The following UBXN2B variants were observed in gnomAD, a reference collection of about 807,000 sequenced individuals.
UBXN2B encodes the protein UBX domain protein 2B, also known as UBX domain-containing protein 2B.
Under a neutral mutation model 37.5 loss-of-function variants are expected in UBXN2B, and 19 were observed. The ratio of observed to expected loss-of-function variants is 0.51; its 90% confidence interval spans 0.35 to 0.74. The LOEUF (loss-of-function observed/expected upper bound fraction) is 0.74. UBXN2B is among the 30% of genes least tolerant of loss of function. The pLI, the probability that UBXN2B is intolerant of heterozygous loss-of-function variation, is 0.01. For synonymous variants in UBXN2B, 145 were observed against 143.8 expected (o/e 1.01, Z -0.06); for missense variants, 370 against 393.2 (o/e 0.94, Z 0.50).
In UBXN2B at chr8:58,447,607, A is replaced by G; in HGVS notation, c.*56A>G. On this transcript the variant is annotated 3_prime_UTR_variant, in exon 8 of 8. Coordinates refer to ENST00000399598, the MANE Select transcript of UBXN2B (RefSeq NM_001077619.2). Reference sequence around the variant, plus strand: ...GAATAGATGATGTGCCGTATTAATAAGGACAATACTTCAGCATTAAAAACA... The same window carrying G: ...GAATAGATGATGTGCCGTATTAATAGGGACAATACTTCAGCATTAAAAACA... 2 of 1,427,482 alleles carry G rather than the reference A, an allele frequency of 1.4e-6. No homozygotes were observed. Among genetic ancestry groups the G allele is most frequent in the South Asian group, 3.3e-5 (2 of 59,768 alleles). 88.4% of individuals were successfully genotyped at this position (1,427,482 alleles called of 1,614,324 possible). A position where few individuals can be genotyped will look rare whatever the true frequency, so the allele number is the denominator to read the frequency against.
chr8:58,439,622 C>T lies in UBXN2B; in HGVS notation c.534-11C>T, dbSNP rs1808495572. 1.9e-6 allele frequency: 3 copies of T among 1,583,778 alleles called. No homozygotes were observed. The highest frequency in any genetic ancestry group is 2.7e-5 in the African/African-American group (2 of 72,788). On this transcript the variant is annotated splice_polypyrimidine_tract_variant and intron_variant, in intron 5 of 7. Transcript: ENST00000399598. ...AACTTAATGATAACTTTTTTCCCCCCTTTTTAAAAGAGAGATTCCCCTGGA... is the reference window on the plus strand; with the variant it reads ...AACTTAATGATAACTTTTTTCCCCCTTTTTTAAAAGAGAGATTCCCCTGGA...
At chr8:58,444,933 T>G (rs1203378487) in intron 6 of UBXN2B, among the ~76,000 whole-genome samples, 1 of 152,170 alleles carries the variant, frequency 6.6e-6, no homozygotes, top group Non-Finnish European at 1.5e-5. Context: ...ATGATTTAGA[T>G]TGGACTAAAG....
intron 2 of UBXN2B, among the ~76,000 whole-genome samples, chr8:58,421,710 C>G (rs1459407378): frequency 2.6e-5 from 4 of 152,302 alleles, no homozygotes; most frequent in Admixed American, 6.5e-5. Context: ...GCCTCTCTGC[C>G]TGATTCCATC....
chr8:58,432,263 G>T (rs1808298298), intron 3 of UBXN2B, among the ~76,000 whole-genome samples: 3 of 151,796 alleles, frequency 2.0e-5, no homozygotes, highest in African/African-American at 7.3e-5. Context: ...TATAAGGTGT[G>T]AGGTTGACAC....
At chr8:58,425,358 C>T (rs1186899315) in intron 2 of UBXN2B, 2 of 1,142,966 alleles carry the variant, frequency 1.7e-6, no homozygotes, top group Non-Finnish European at 1.3e-6. Context: ...AAAAGTCGTT[C>T]ACCATGTTTT....
At chr8:58,446,164 G>T (rs1342214874) in intron 7 of UBXN2B, 96 bp downstream of exon 7, 4 of 1,244,974 alleles carry the variant, frequency 3.2e-6, no homozygotes, top group Non-Finnish European at 4.3e-6. Flanking sequence ...TGAAGAATAT[G>T]ATATTCTTTA....
In UBXN2B at chr8:58,433,222, T is replaced by C. The variant is rs747493611; in HGVS notation, c.402T>C (p.Tyr134=). Reference sequence around the variant, plus strand: ...TTTGTAAGCGGTCTGAATATATCTATGGAGAAAATCAGCTGCAAGATGTAG... The same window carrying C: ...TTTGTAAGCGGTCTGAATATATCTACGGAGAAAATCAGCTGCAAGATGTAG... The part of the protein sequence containing the change: ...SSFCKRSEYI[Y]GENQLQDVQI... Residue 134 remains tyrosine, a synonymous_variant, in exon 4 of 8, where the codon TAT becomes TAC. Transcript: ENST00000399598. 15 of 1,610,922 alleles carry C rather than the reference T, an allele frequency of 9.3e-6. No individual in the cohort carries two copies. The South Asian group carries it at 1.7e-4, about 18-fold the overall frequency.
At chr8:58,446,104 TATATACACTG>T (rs1362112150) in intron 7 of UBXN2B, 36 bp downstream of exon 7, 1 of 1,565,854 alleles carries the variant, frequency 6.4e-7, no homozygotes, top group Non-Finnish European at 8.6e-7. Context: ...TGTTTGCTGT[TATATACACTG>T]GATTGCTTAT....
intron 2 of UBXN2B, among the ~76,000 whole-genome samples, chr8:58,422,668 C>T (rs1420497084): frequency 6.6e-6 from 1 of 152,218 alleles, no homozygotes; most frequent in African/African-American, 2.4e-5. Context: ...AAGAAAGAGT[C>T]ACATTTCCCA....
At chr8:58,426,784 C>A (rs1406355723) in intron 2 of UBXN2B, 9 of 614,358 alleles carry the variant, frequency 1.5e-5, no homozygotes, top group African/African-American at 1.4e-4. Context: ...CCGCTCGGGA[C>A]CAGATGCGGG....
At position 58,417,304 on chromosome 8, in the gene UBXN2B, A is replaced by G. The variant is rs533908865; in HGVS notation, c.188+351A>G. 2.0e-5 allele frequency among the ~76,000 whole-genome samples: 3 copies of G among 152,280 alleles called. No homozygotes were observed. The East Asian group carries it at 5.8e-4, about 29-fold the overall frequency. ...TAGGACTCATTAAGGGTCTGATGAAAGCTATAGAATTCTCCTCTCAAAACA... is the reference window on the plus strand; with the variant it reads ...TAGGACTCATTAAGGGTCTGATGAAGGCTATAGAATTCTCCTCTCAAAACA... On this transcript the variant is annotated intron_variant, in intron 2 of 7. Transcript: ENST00000399598.
At chr8:58,434,222 A>G (rs1808354533) in intron 4 of UBXN2B, among the ~76,000 whole-genome samples, 173 bp from the exon 5 acceptor site, 1 of 152,162 alleles carries the variant, frequency 6.6e-6, no homozygotes, top group African/African-American at 2.4e-5. Context: ...GGTTTCATTA[A>G]TGTCTTTCAC....
At chr8:58,431,576 T>C (rs1487500844) in intron 3 of UBXN2B, among the ~76,000 whole-genome samples, 1 of 152,228 alleles carries the variant, frequency 6.6e-6, no homozygotes, top group East Asian at 1.9e-4. Flanking sequence ...TTCTCTGAGA[T>C]AAATGCTCAG....
intron 1 of UBXN2B, among the ~76,000 whole-genome samples, chr8:58,415,703 TTAAA>T (rs1236503549): frequency 2.0e-5 from 3 of 152,028 alleles, no homozygotes; most frequent in Non-Finnish European, 4.4e-5. Flanking sequence ...CTCAGAGAAA[TTAAA>T]TAATTTGCCC....
At chr8:58,424,877 A>G (rs997911620) in intron 2 of UBXN2B, 1 of 1,120,054 alleles carries the variant, frequency 8.9e-7, no homozygotes, top group Non-Finnish European at 1.4e-6. Context: ...GACCTCTGAG[A>G]CTGCACCATC....
chr8:58,423,689 C>A (rs1175994459), intron 2 of UBXN2B, among the ~76,000 whole-genome samples: 1 of 151,592 alleles, frequency 6.6e-6, no homozygotes. Context: ...CCAGCCTCGG[C>A]CTCCCAAAGT....
chr8:58,426,664 GA>G, intron 2 of UBXN2B: 1 of 737,014 alleles, frequency 1.4e-6, no homozygotes, highest in Non-Finnish European at 2.5e-6. Flanking sequence ...ATATTTGGGT[GA>G]AACCATCTCT....
chr8:58,439,844 A>G, intron 6 of UBXN2B, 74 bp downstream of exon 6: 2 of 1,502,536 alleles, frequency 1.3e-6, no homozygotes, highest in South Asian at 1.4e-5. Context: ...AAGCAAAATG[A>G]CCTATGAAGT....
intron 1 of UBXN2B, among the ~76,000 whole-genome samples, chr8:58,415,938 C>T (rs1030469877): frequency 1.3e-5 from 2 of 151,456 alleles, no homozygotes; most frequent in African/African-American, 4.9e-5. Flanking sequence ...TTAACATTGC[C>T]CCAATGCCCT....
Sources: allele counts gnomAD v4.1 joint callset (sites outside exome capture counted in the v4.1 genomes callset), GRCh38; gene constraint gnomAD v4.1.1; transcripts MANE v1.5; gene names NCBI Gene and HGNC (gene_info 2026-07-23, HGNC 2026-07-21).